ODF1: variants seen among roughly 807,000 people sequenced by gnomAD.
The protein encoded by ODF1 is outer dense fiber protein 1.
ODF1 carries 10 observed loss-of-function variants against 24.0 expected under a neutral mutation model. The ratio of observed to expected loss-of-function variants is 0.42; its 90% CI spans 0.26 to 0.71. The LOEUF is 0.71. ODF1 is among the 30% of genes least tolerant of loss of function. The probability of loss-of-function intolerance (pLI) is 0.28; values close to 1 mark genes in which losing one functional copy is unlikely to be tolerated. For synonymous variants in ODF1, 118 were observed against 121.3 expected, an observed-to-expected ratio of 0.97 and a Z score of 0.18; for missense variants, 282 against 307.9, an observed-to-expected ratio of 0.92 and a Z score of 0.63.
chr8:102,557,414 T>C (rs989055174), intron 1 of ODF1, among the ~76,000 whole-genome samples: 1 of 152,188 alleles, frequency 6.6e-6, no homozygotes, highest in Non-Finnish European at 1.5e-5. Context: ...GAAAAAGAAG[T>C]ATGATCTGGC....
rs1484794609 is a variant in ODF1 at position 102,552,010 on chromosome 8, A to T, written c.283A>T (p.Ile95Phe). 2 of 1,608,828 alleles carry T rather than the reference A, an allele frequency of 1.2e-6. No homozygotes were observed. Among genetic ancestry groups the T allele is most frequent in the Non-Finnish European group, 1.7e-6 (2 of 1,175,706 alleles). The stretch of plus-strand genomic sequence containing the variant: ...TCTCAGAAGTTTGGAGAGGAAAGCC[A>T]TCAGAGCCATAGAAGATGAGAAGCG... Reference protein sequence around the residue: ...PSLRSLERKAIRAIEDEKREL... With the variant: ...PSLRSLERKAFRAIEDEKREL... The change falls in exon 1 of 2, where the codon ATC becomes TTC. Residue 95 changes from isoleucine (I) to phenylalanine (F), a missense_variant. Physicochemically the swap from Ile to Phe is conservative, Grantham distance 21 (BLOSUM62 0). Coordinates refer to ENST00000285402, the MANE Select transcript of ODF1 (RefSeq NM_024410.4).
At chr8:102,557,216 A>G (rs545077474) in intron 1 of ODF1, among the ~76,000 whole-genome samples, 52 of 152,318 alleles carry the variant, frequency 3.4e-4, no homozygotes, top group African/African-American at 1.2e-3. Flanking sequence ...TAACAAGTAT[A>G]GGAGGCAAAC....
At chr8:102,553,206 CAAAAAAAAAAA>C (rs71276450) in intron 1 of ODF1, among the ~76,000 whole-genome samples, 1 of 124,238 alleles carries the variant, frequency 8.0e-6, no homozygotes, top group East Asian at 2.3e-4. Flanking sequence ...CTACTAAATA[CAAAAAAAAAAA>C]AAAAAAAAAA....
chr8:102,553,868 C>T (rs538076169), intron 1 of ODF1, among the ~76,000 whole-genome samples: 9 of 152,326 alleles, frequency 5.9e-5, no homozygotes, highest in South Asian at 2.1e-4. Flanking sequence ...TTCCTGACAG[C>T]GTCTGGGTCT....
chr8:102,556,013 G>A (rs1277582764), intron 1 of ODF1, among the ~76,000 whole-genome samples: 1 of 152,212 alleles, frequency 6.6e-6, no homozygotes, highest in Non-Finnish European at 1.5e-5. Context: ...TAAAGCTTCA[G>A]ATTAGGGCAA....
Position 102,551,806 on chromosome 8 carries a change from T to C in ODF1, c.79T>C (p.Cys27Arg), listed in dbSNP as rs1321609324. 5.0e-6 allele frequency: 8 copies of C among 1,614,208 alleles called. No individual in the cohort carries two copies. The highest frequency in any genetic ancestry group is 5.9e-6 in the Non-Finnish European group (7 of 1,180,030). Reference sequence around the variant, plus strand: ...GGACAGAGAACTAAGGCAACTGAGATGCATCGACGAATTTAGCACACGGTG... The same window carrying C: ...GGACAGAGAACTAAGGCAACTGAGACGCATCGACGAATTTAGCACACGGTG... ...KVDRELRQLR[C>R]IDEFSTRCLC... Residue 27 changes from cysteine to arginine, a missense_variant, in exon 1 of 2, where the codon TGC becomes CGC. Transcript: ENST00000285402.
intron 1 of ODF1, among the ~76,000 whole-genome samples, chr8:102,555,303 C>T (rs1826099422): frequency 6.6e-6 from 1 of 152,194 alleles, no homozygotes; most frequent in Admixed American, 6.5e-5. Context: ...CCAGGCCCTC[C>T]TCAATCTTGC....
intron 1 of ODF1, among the ~76,000 whole-genome samples, chr8:102,555,210 C>T (rs983938176): frequency 6.6e-6 from 1 of 152,118 alleles, no homozygotes; most frequent in Non-Finnish European, 1.5e-5. Context: ...GCCATGCCAC[C>T]AGCCTGATTT....
rs3018444 is a variant in ODF1 at position 102,560,764 on chromosome 8, C to A, written c.633C>A (p.Pro211=). Residue 211 remains proline, a synonymous_variant, in exon 2 of 2, where the codon CCC becomes CCA. Coordinates refer to ENST00000285402, the MANE Select transcript of ODF1 (RefSeq NM_024410.4). The part of the protein sequence containing the change: ...PCYPCTSPCS[P]CSPCSPCNPC... ...ACCCTTGCACTTCTCCTTGCAGCCC[C>A]TGCAGCCCCTGCAGCCCCTGCAACC... 26 of 1,611,122 alleles carry A rather than the reference C, an allele frequency of 1.6e-5. No homozygotes were observed. The highest frequency in any genetic ancestry group is 5.5e-5 in the African/African-American group (4 of 73,156).
chr8:102,551,863 T>C lies in ODF1; in HGVS notation c.136T>C (p.Cys46Arg). The change falls in exon 1 of 2, where the codon TGC becomes CGC. Residue 46 changes from cysteine to arginine, a missense_variant. Coordinates refer to ENST00000285402, the MANE Select transcript of ODF1 (RefSeq NM_024410.4). The stretch of plus-strand genomic sequence containing the variant: ...CGACTTGTATATGCACCCCTATTGC[T>C]GCTGTGACTTGCACCCATATCCGTA... ...LCDLYMHPYC[C>R]CDLHPYPYCL... is the part of the protein sequence containing the mutation. The C allele has an allele frequency of 6.2e-7, 1 of 1,614,158 alleles. No individual in the cohort carries two copies. The highest frequency in any genetic ancestry group is 1.3e-5 in the African/African-American group (1 of 75,028).
rs146170144 is a variant in ODF1 at position 102,559,080 on chromosome 8, A to G, written c.321-1372A>G. ...AAAAAAAAAGAAAAGACAAAACCTT[A>G]ACATCCTATGTGCCAAGTATTATTG... is the stretch of plus-strand genomic sequence containing the variant. On this transcript the variant is annotated intron_variant, in intron 1 of 1. Coordinates refer to ENST00000285402, the MANE Select transcript of ODF1 (RefSeq NM_024410.4). Among the ~76,000 whole-genome samples, 265 of 151,378 alleles carry G rather than the reference A, an allele frequency of 1.8e-3. 11 individuals are homozygous for G. Among genetic ancestry groups the G allele is most frequent in the African/African-American group, 5.6e-3 (230 of 40,882 alleles).
chr8:102,553,649 G>C (rs1392215822), intron 1 of ODF1, among the ~76,000 whole-genome samples: 1 of 152,156 alleles, frequency 6.6e-6, no homozygotes, highest in Non-Finnish European at 1.5e-5. Context: ...GAATACCCTT[G>C]TCCAGGTCTT....
chr8:102,560,333 A>G, intron 1 of ODF1, 119 bp from the exon 2 acceptor site: 1 of 904,500 alleles, frequency 1.1e-6, no homozygotes, highest in Non-Finnish European at 1.7e-6. Context: ...TTATTTTCAC[A>G]ATGGCTAGTA....
chr8:102,552,337 G>C (rs1481634325), intron 1 of ODF1, among the ~76,000 whole-genome samples: 1 of 151,452 alleles, frequency 6.6e-6, no homozygotes, highest in Non-Finnish European at 1.5e-5. Context: ...AGAAACAGGG[G>C]GTGTCATTAA....
intron 1 of ODF1, among the ~76,000 whole-genome samples, chr8:102,554,886 A>G (rs531203571): frequency 2.5e-4 from 38 of 152,306 alleles, no homozygotes; most frequent in Admixed American, 2.5e-3. Flanking sequence ...TGAGCCTGGG[A>G]GGTCAGGACT....
intron 1 of ODF1, among the ~76,000 whole-genome samples, chr8:102,553,516 G>A (rs1049993053): frequency 5.9e-5 from 9 of 152,046 alleles, no homozygotes; most frequent in Admixed American, 4.6e-4. Flanking sequence ...TTATTTCTTA[G>A]GGCATCAAGT....
intron 1 of ODF1, among the ~76,000 whole-genome samples, chr8:102,554,417 G>T (rs531103926): frequency 2.0e-4 from 30 of 152,258 alleles, no homozygotes; most frequent in Non-Finnish European, 3.7e-4. Context: ...AGGCTGTGTT[G>T]TCCAGAAGGT....
intron 1 of ODF1, among the ~76,000 whole-genome samples, chr8:102,559,360 A>G (rs1305612588): frequency 6.6e-6 from 1 of 151,706 alleles, no homozygotes; most frequent in East Asian, 1.9e-4. Context: ...AAGGATTTAC[A>G]CAATAGAATT....
At chr8:102,552,719 GT>G (rs1321843431) in intron 1 of ODF1, among the ~76,000 whole-genome samples, 2 of 152,058 alleles carry the variant, frequency 1.3e-5, no homozygotes, top group Non-Finnish European at 2.9e-5. Flanking sequence ...AAAAGAGTCA[GT>G]TTTTTAAAAA....
Sources: allele counts gnomAD v4.1 joint callset (sites outside exome capture counted in the v4.1 genomes callset), GRCh38; gene constraint gnomAD v4.1.1; transcripts MANE v1.5; gene names NCBI Gene and HGNC (gene_info 2026-07-23, HGNC 2026-07-21).